AATF: variants seen among roughly 807,000 people sequenced by gnomAD.
AATF encodes protein AATF.
Under a neutral mutation model 63.7 loss-of-function variants are expected in AATF, and 48 were observed. The observed-to-expected ratio is 0.75, with a 90% confidence interval of 0.60 to 0.96. The LOEUF is 0.96. Ranked by LOEUF, AATF falls within the 40% of genes least tolerant of loss-of-function variation. The pLI, the probability that AATF is intolerant of heterozygous loss-of-function variation, is 0.00. For synonymous variants in AATF, 258 were observed against 247.7 expected (o/e 1.04, Z -0.39); for missense variants, 639 against 685.7 (o/e 0.93, Z 0.76).
Position 36,948,954 on chromosome 17 carries a change from G to C in AATF, c.-172G>C. ...ACGCGCAGGCCCCGCCCCCTCCCGC[G>C]CGCCTCCCGGAAGTGGCCGGTCCAG... On this transcript the variant is annotated 5_prime_UTR_variant, in exon 1 of 12. Coordinates refer to ENST00000619387, the MANE Select transcript of AATF (RefSeq NM_012138.4). The C allele has an allele frequency of 1.8e-6, 1 of 567,982 alleles. No homozygotes were observed. The allele number at this position is 567,982 out of a possible 1,614,324, so 35.2% of individuals were successfully genotyped here.
At chr17:36,985,730 T>C (rs754022858) in intron 4 of AATF, among the ~76,000 whole-genome samples, 5 of 151,720 alleles carry the variant, frequency 3.3e-5, no homozygotes, top group Non-Finnish European at 7.4e-5. Context: ...ATTTTTTTTT[T>C]AGTAGAGATG....
chr17:37,049,419 A>G (rs112416567), intron 11 of AATF, among the ~76,000 whole-genome samples: 17,751 of 152,072 alleles, frequency 0.12, 1,294 homozygotes, highest in Non-Finnish European at 0.16. Context: ...TGGCTAACAC[A>G]GTGAAACCCT....
intron 11 of AATF, among the ~76,000 whole-genome samples, chr17:37,035,984 T>C (rs1192734513): frequency 6.6e-6 from 1 of 152,120 alleles, no homozygotes; most frequent in African/African-American, 2.4e-5. Context: ...AATGCAGTGG[T>C]GCAATCATAG....
At chr17:37,034,313 A>G (rs2071573804) in intron 11 of AATF, among the ~76,000 whole-genome samples, 1 of 152,180 alleles carries the variant, frequency 6.6e-6, no homozygotes, top group Non-Finnish European at 1.5e-5. Flanking sequence ...GCCAGTAGGT[A>G]TTGTTAACTT....
At chr17:37,025,784 T>C (rs1292045907) in intron 10 of AATF, among the ~76,000 whole-genome samples, 1 of 152,164 alleles carries the variant, frequency 6.6e-6, no homozygotes, top group Non-Finnish European at 1.5e-5. Context: ...ATGAGAGAAA[T>C]AGAAAACCAC....
chr17:36,993,980 T>C (rs1460465688), intron 8 of AATF, among the ~76,000 whole-genome samples: 1 of 152,228 alleles, frequency 6.6e-6, no homozygotes, highest in Non-Finnish European at 1.5e-5. Flanking sequence ...TATACTTGTA[T>C]TATTTAATAA....
chr17:37,035,541 CTTT>C (rs767344407), intron 11 of AATF, among the ~76,000 whole-genome samples: 2 of 143,086 alleles, frequency 1.4e-5, no homozygotes, highest in Non-Finnish European at 1.5e-5. Flanking sequence ...GTGTTTCCAA[CTTT>C]TTTTTTTTTT....
chr17:37,018,169 G>A (rs2071442169), intron 8 of AATF, among the ~76,000 whole-genome samples: 1 of 152,152 alleles, frequency 6.6e-6, no homozygotes, highest in Non-Finnish European at 1.5e-5. Context: ...CTCCCTTAGT[G>A]TTTAACTTTT....
intron 8 of AATF, among the ~76,000 whole-genome samples, chr17:36,997,948 A>G (rs1392347259): frequency 6.6e-6 from 1 of 151,976 alleles, no homozygotes; most frequent in Non-Finnish European, 1.5e-5. Context: ...ATTGGAGACT[A>G]TTACTCTAAG....
intron 8 of AATF, among the ~76,000 whole-genome samples, chr17:37,002,685 C>G (rs747710226): frequency 5.3e-5 from 8 of 150,112 alleles, no homozygotes; most frequent in Non-Finnish European, 1.2e-4. Flanking sequence ...AAAAAAAAAG[C>G]ATCTAAAATA....
intron 2 of AATF, among the ~76,000 whole-genome samples, chr17:36,950,876 G>A (rs191629488): frequency 5.6e-4 from 86 of 152,324 alleles, no homozygotes; most frequent in African/African-American, 2.0e-3. Context: ...GACAGAGAAG[G>A]CAGTGCATTT....
intron 8 of AATF, among the ~76,000 whole-genome samples, chr17:37,003,159 T>C (rs2071315100): frequency 6.6e-6 from 1 of 152,198 alleles, no homozygotes; most frequent in Non-Finnish European, 1.5e-5. Context: ...TTATAGTTCA[T>C]TGATTTTCAA....
chr17:36,989,121 C>A, intron 6 of AATF, 126 bp from the exon 7 acceptor site: 1 of 1,134,158 alleles, frequency 8.8e-7, no homozygotes, highest in Non-Finnish European at 1.2e-6. Flanking sequence ...CAGTCCTTTA[C>A]AGAAAGTCCC....
chr17:37,013,325 TA>T (rs1469164112), intron 8 of AATF, among the ~76,000 whole-genome samples: 2 of 152,234 alleles, frequency 1.3e-5, no homozygotes, highest in Admixed American at 6.5e-5. Flanking sequence ...TATTACTAAG[TA>T]AATGTTGTTC....
intron 10 of AATF, among the ~76,000 whole-genome samples, chr17:37,025,482 C>G (rs2142294236): frequency 6.6e-6 from 1 of 152,234 alleles, no homozygotes; most frequent in South Asian, 2.1e-4. Flanking sequence ...TGCTGAGGAA[C>G]AGTGGCCATT....
At chr17:37,045,011 T>C in intron 11 of AATF, among the ~76,000 whole-genome samples, 1 of 152,156 alleles carries the variant, frequency 6.6e-6, no homozygotes, top group East Asian at 1.9e-4. Flanking sequence ...ATTCTGTAAG[T>C]GCATTAACAA....
At position 36,995,603 on chromosome 17, in the gene AATF, T is replaced by G. The variant is rs71375433; in HGVS notation, c.1398+4746T>G. Among the ~76,000 whole-genome samples the G allele has an allele frequency of 4.4e-3, 672 of 152,342 alleles. 6 individuals are homozygous for G. The highest frequency in any genetic ancestry group is 0.015 in the African/African-American group (616 of 41,574). On this transcript the variant is annotated intron_variant, in intron 8 of 11. Transcript: ENST00000619387. ...TTGTTTTTGAGACAGGATCTCACTC[T>G]GTTGCCCAGGCTGGAGTGCAGTGGT...
intron 7 of AATF, 149 bp from the exon 8 acceptor site, chr17:36,990,625 A>T (rs748594397): frequency 1.0e-4 from 55 of 530,918 alleles, no homozygotes; most frequent in Non-Finnish European, 1.6e-4. Flanking sequence ...GCCTGTTTTC[A>T]TATTGGACTG....
At chr17:36,990,726 A>G in intron 7 of AATF, 48 bp from the exon 8 acceptor site, 1 of 1,129,278 alleles carries the variant, frequency 8.9e-7, no homozygotes, top group African/African-American at 1.6e-5. Context: ...TACATTAGTT[A>G]GATAGCCTTG....
Sources: allele counts gnomAD v4.1 joint callset (sites outside exome capture counted in the v4.1 genomes callset), GRCh38; gene constraint gnomAD v4.1.1; transcripts MANE v1.5; gene names NCBI Gene and HGNC (gene_info 2026-07-23, HGNC 2026-07-21).